Variants in MCPH1 observed in about 807,000 individuals in gnomAD.
MCPH1 encodes the protein microcephalin 1, also known as microcephalin.
A neutral mutation model predicts 84.5 loss-of-function variants in MCPH1; 104 were observed. That is an observed-to-expected ratio of 1.23 (90% confidence interval 1.05 to 1.45). The LOEUF (loss-of-function observed/expected upper bound fraction) is 1.45, where lower values mean the gene tolerates loss of function less well. Ranked by LOEUF, MCPH1 falls within the 40% of genes most tolerant of loss-of-function variation. MCPH1 has a pLI of 0.00. For missense variants in MCPH1, 1,498 were observed against 1,005.7 expected (o/e 1.49, Z -6.62); for synonymous variants, 514 against 366.8 (o/e 1.40, Z -4.58).
chr8:6,420,325 G>T (rs1409450213), intron 3 of MCPH1, among the ~76,000 whole-genome samples: 2 of 152,010 alleles, frequency 1.3e-5, no homozygotes, highest in Non-Finnish European at 2.9e-5. Context: ...TGTGCTTCAT[G>T]TAAGTTCTCC....
intron 9 of MCPH1, chr8:6,474,339 C>G (rs1338863324): frequency 9.4e-6 from 4 of 426,294 alleles, no homozygotes; most frequent in Middle Eastern, 6.7e-4. Flanking sequence ...TTCTATGACA[C>G]GTTTCTATCA....
At chr8:6,415,063 C>T (rs1264084017) in intron 3 of MCPH1, among the ~76,000 whole-genome samples, 180 bp downstream of exon 3, 3 of 151,812 alleles carry the variant, frequency 2.0e-5, no homozygotes, top group Admixed American at 1.3e-4. Context: ...AATGGTCATG[C>T]TATAATACCT....
chr8:6,626,943 G>C, intron 13 of MCPH1: 1 of 984,638 alleles, frequency 1.0e-6, no homozygotes, highest in Admixed American at 6.2e-5. Flanking sequence ...ATACATTTAT[G>C]CTATTGTGGG....
At chr8:6,620,275 A>G (rs1351261733) in intron 12 of MCPH1, 1 of 152,162 alleles carries the variant, frequency 6.6e-6, no homozygotes, top group Non-Finnish European at 1.5e-5. Context: ...ATGAGCATAT[A>G]TAAGTGTATC....
intron 9 of MCPH1, among the ~76,000 whole-genome samples, chr8:6,471,842 T>A (rs1457030760): frequency 6.6e-6 from 1 of 152,268 alleles, no homozygotes; most frequent in Non-Finnish European, 1.5e-5. Flanking sequence ...TAAGTCACTC[T>A]GGCCTATAGC....
chr8:6,605,826 T>C (rs1829728943), intron 12 of MCPH1, among the ~76,000 whole-genome samples: 1 of 152,188 alleles, frequency 6.6e-6, no homozygotes, highest in African/African-American at 2.4e-5. Context: ...GACTCCCAAG[T>C]AGCTGGGATT....
At position 6,540,788 on chromosome 8, in the gene MCPH1, C is replaced by G. The variant is rs148096342; in HGVS notation, c.2214+40859C>G. ...AGGAAGTTTATTTAGGCAGTGGTCCCAGAGCGCAGCCATGCCGAACAGGCG... is the reference window on the plus strand; with the variant it reads ...AGGAAGTTTATTTAGGCAGTGGTCCGAGAGCGCAGCCATGCCGAACAGGCG... On this transcript the variant is annotated intron_variant, in intron 12 of 13. Coordinates refer to ENST00000344683, the MANE Select transcript of MCPH1 (RefSeq NM_024596.5). Among the ~76,000 whole-genome samples, 254 of 152,372 alleles carry G rather than the reference C, an allele frequency of 1.7e-3. 3 individuals are homozygous for G. Among genetic ancestry groups the G allele is most frequent in the Admixed American group, 3.6e-3 (55 of 15,312 alleles).
At chr8:6,542,079 A>G (rs17077465) in intron 12 of MCPH1, among the ~76,000 whole-genome samples, 25,558 of 151,986 alleles carry the variant, frequency 0.17, 2,255 homozygotes, top group African/African-American at 0.2. Context: ...AGCTCTAGGA[A>G]TGAGATTGAT....
chr8:6,409,997 G>C (rs907217690), intron 2 of MCPH1, among the ~76,000 whole-genome samples: 15 of 151,244 alleles, frequency 9.9e-5, no homozygotes, highest in Non-Finnish European at 1.8e-4. Context: ...TTGAGACGGA[G>C]TCTCGCTCTG....
intron 13 of MCPH1, chr8:6,626,011 C>T: frequency 1.0e-6 from 1 of 985,322 alleles, no homozygotes; most frequent in African/African-American, 1.7e-5. Context: ...ACAGCTCTTC[C>T]CCTGGGACTG....
At chr8:6,418,029 G>C (rs916040508) in intron 3 of MCPH1, among the ~76,000 whole-genome samples, 1 of 152,178 alleles carries the variant, frequency 6.6e-6, no homozygotes, top group African/African-American at 2.4e-5. Flanking sequence ...TAAGCCTCAG[G>C]TGCAGGCTGA....
intron 13 of MCPH1, chr8:6,626,021 G>A (rs1026171500): frequency 1.0e-6 from 1 of 985,226 alleles, no homozygotes; most frequent in Non-Finnish European, 1.2e-6. Context: ...CCCTGGGACT[G>A]CAGCATCCGA....
chr8:6,631,738 G>C (rs1015709191), intron 13 of MCPH1, among the ~76,000 whole-genome samples: 1 of 151,968 alleles, frequency 6.6e-6, no homozygotes, highest in Non-Finnish European at 1.5e-5. Context: ...TGTAATGTTG[G>C]GAATGTAAGA....
rs189358412 is a variant in MCPH1 at position 6,478,831 on chromosome 8, A to G, written c.1973+1200A>G. Among the ~76,000 whole-genome samples the G allele has an allele frequency of 9.9e-5, 15 of 152,268 alleles. No individual in the cohort carries two copies. In the East Asian group the frequency reaches 2.7e-3, roughly 27 times the overall value. On this transcript the variant is annotated intron_variant, in intron 10 of 13. Transcript: ENST00000344683. ...CACACATTCTCGGGTTGAAGTAGTGATGAGGCCCAGATCTTGACTCACACA... is the reference window on the plus strand; with the variant it reads ...CACACATTCTCGGGTTGAAGTAGTGGTGAGGCCCAGATCTTGACTCACACA...
chr8:6,513,744 C>T, intron 12 of MCPH1: 1 of 1,613,974 alleles, frequency 6.2e-7, no homozygotes, highest in African/African-American at 1.3e-5. Context: ...ATTCCCTTCC[C>T]AGTCTTTAAG....
chr8:6,500,287 T>A (rs1214846834), intron 12 of MCPH1: 1 of 218,534 alleles, frequency 4.6e-6, no homozygotes, highest in Admixed American at 5.3e-5. Context: ...ATAAAGATTA[T>A]GGCTTGCTGG....
At chr8:6,557,514 G>C (rs1413762240) in intron 12 of MCPH1, among the ~76,000 whole-genome samples, 1 of 152,210 alleles carries the variant, frequency 6.6e-6, no homozygotes, top group East Asian at 1.9e-4. Context: ...CTCATTGTTA[G>C]GTTCCTTCAA....
intron 9 of MCPH1, among the ~76,000 whole-genome samples, chr8:6,472,178 C>G (rs1807807444): frequency 6.6e-6 from 1 of 152,032 alleles, no homozygotes; most frequent in South Asian, 2.1e-4. Context: ...AAAATAGTCC[C>G]AAGACATAAT....
rs1030795421 is a variant in MCPH1, at chr8:6,643,773, G to A, written c.*724G>A. The A allele has an allele frequency of 1.3e-5, 2 of 152,582 alleles. No homozygotes were observed. Among genetic ancestry groups the A allele is most frequent in the African/African-American group, 4.8e-5 (2 of 41,436 alleles). The allele number at this position is 152,582 out of a possible 1,614,324, so 9.5% of individuals were successfully genotyped here. On this transcript the variant is annotated 3_prime_UTR_variant, in exon 14 of 14. Transcript: ENST00000344683. ...ATCTAGCGGAGATTCCTCTCTTAAA[G>A]TAATGAAAGGAGATAGGTATGGGGG...
Sources: allele counts gnomAD v4.1 joint callset (sites outside exome capture counted in the v4.1 genomes callset), GRCh38; gene constraint gnomAD v4.1.1; transcripts MANE v1.5; gene names NCBI Gene and HGNC (gene_info 2026-07-23, HGNC 2026-07-21).